The following LIMK2 variants were observed in gnomAD, a reference collection of about 807,000 sequenced individuals.
The protein encoded by LIMK2 is LIM domain kinase 2.
In LIMK2, 35 loss-of-function variants were observed where a neutral mutation model predicts 75.7. That is an observed-to-expected ratio of 0.46 (90% CI 0.35 to 0.61). LIMK2 has a LOEUF of 0.61. LIMK2 is among the 20% of genes least tolerant of loss of function. The pLI, the probability that LIMK2 is intolerant of heterozygous loss-of-function variation, is 0.00. For synonymous variants in LIMK2, 301 were observed against 319.2 expected (o/e 0.94, Z 0.61); for missense variants, 623 against 831.0 (o/e 0.75, Z 3.08).
chr22:31,216,016 T>C (rs2048386541), intron 1 of LIMK2, among the ~76,000 whole-genome samples: 1 of 152,142 alleles, frequency 6.6e-6, no homozygotes. Context: ...TAGTGTATGT[T>C]CTGGTGGGGA....
chr22:31,270,198 A>T (rs992974378), intron 11 of LIMK2, among the ~76,000 whole-genome samples: 1 of 152,090 alleles, frequency 6.6e-6, no homozygotes, highest in Non-Finnish European at 1.5e-5. Flanking sequence ...GGGCAGCTGG[A>T]GCTGTGGGAC....
At chr22:31,222,243 TATTTTTGGTAGA>T (rs1304592054) in intron 1 of LIMK2, among the ~76,000 whole-genome samples, 6 of 149,596 alleles carry the variant, frequency 4.0e-5, no homozygotes, top group Non-Finnish European at 7.4e-5. Flanking sequence ...GCTAATTTTG[TATTTTTGGTAGA>T]GATGTGGTTT....
chr22:31,274,203 T>C (rs1051559802), intron 14 of LIMK2, among the ~76,000 whole-genome samples: 1 of 151,946 alleles, frequency 6.6e-6, no homozygotes, highest in African/African-American at 2.4e-5. Flanking sequence ...CTAGGAAGTG[T>C]CAGCCCTGTG....
chr22:31,246,215 A>ACACACACACACACACACACG (rs1491353906), intron 2 of LIMK2, among the ~76,000 whole-genome samples: 1 of 143,652 alleles, frequency 7.0e-6, no homozygotes, highest in Admixed American at 6.9e-5. Flanking sequence ...ACACACACAC[A>ACACACACACACACACACACG]CGCTGGGTAT....
At chr22:31,228,793 A>G (rs1269024669) in intron 2 of LIMK2, among the ~76,000 whole-genome samples, 1 of 151,860 alleles carries the variant, frequency 6.6e-6, no homozygotes, top group African/African-American at 2.4e-5. Context: ...ATACAAAAAT[A>G]TTAGCCAGGC....
intron 2 of LIMK2, among the ~76,000 whole-genome samples, chr22:31,257,830 G>A (rs2048799863): frequency 6.6e-6 from 1 of 152,094 alleles, no homozygotes; most frequent in Non-Finnish European, 1.5e-5. Context: ...GTTGGTGATG[G>A]GTCAGTTTTG....
intron 15 of LIMK2, chr22:31,277,145 C>G: frequency 6.2e-7 from 1 of 1,613,588 alleles, no homozygotes; most frequent in Non-Finnish European, 8.5e-7. Flanking sequence ...AAGTGAGGGT[C>G]CCCGACCCAG....
chr22:31,214,060 G>A lies in LIMK2; in HGVS notation c.16+1636G>A, dbSNP rs185548443. 5.2e-3 allele frequency among the ~76,000 whole-genome samples: 786 copies of A among 152,070 alleles called. 5 individuals carry two copies. The highest frequency in any genetic ancestry group is 0.018 in the African/African-American group (743 of 41,480). The stretch of plus-strand genomic sequence containing the variant: ...TCTTGAACTCCTGACCTTGTGATCC[G>A]CCCGCTTCGGCCTCCCAAAGTGCTG... On this transcript the variant is annotated intron_variant, in intron 1 of 15. Transcript: ENST00000331728.
chr22:31,262,484 A>G lies in LIMK2; in HGVS notation c.658-111A>G. The stretch of plus-strand genomic sequence containing the variant: ...GTGAGGCCACTGGCAGCTAAAGGCC[A>G]CCATTAGACAAGTTGAGCACTGGCC... On this transcript the variant is annotated intron_variant, in intron 6 of 15. Coordinates refer to ENST00000331728, the MANE Select transcript of LIMK2 (RefSeq NM_005569.4). This position sits in a 1 kb window ranked among gnomAD's most constrained non-coding sequence, Gnocchi z 5.0. 1 of 1,092,950 alleles carries G rather than the reference A, an allele frequency of 9.1e-7. No individual in the cohort carries two copies. The highest frequency in any genetic ancestry group is 1.3e-6 in the Non-Finnish European group (1 of 744,054). The allele number at this position is 1,092,950 out of a possible 1,614,324, so 67.7% of individuals were successfully genotyped here.
chr22:31,271,027 A>C, intron 11 of LIMK2, 109 bp from the exon 12 acceptor site: 1 of 966,190 alleles, frequency 1.0e-6, no homozygotes, highest in Non-Finnish European at 1.7e-6. Context: ...TTGGGTTCTG[A>C]AGCTGGGTGG....
At chr22:31,234,671 A>G (rs2048556890) in intron 2 of LIMK2, among the ~76,000 whole-genome samples, 2 of 149,156 alleles carry the variant, frequency 1.3e-5, no homozygotes, top group African/African-American at 2.5e-5. Context: ...CAGTGAGCCC[A>G]GATCACGCCA....
intron 2 of LIMK2, chr22:31,229,928 C>G (rs192970951): frequency 1.3e-5 from 2 of 152,282 alleles, no homozygotes; most frequent in Admixed American, 1.3e-4. Flanking sequence ...TGTGCTGGTG[C>G]GATTAGGCAG....
At position 31,260,867 on chromosome 22, in the gene LIMK2, C is replaced by T. The variant is rs761779142; in HGVS notation, c.551+790C>T. The stretch of plus-strand genomic sequence containing the variant: ...AGGTTGAGTGTGGCCAGAAAAGGGG[C>T]TGTTAAGTATAGAGGGCCTGGATTA... On this transcript the variant is annotated intron_variant, in intron 5 of 15. Transcript: ENST00000331728. Among the ~76,000 whole-genome samples the T allele has an allele frequency of 7.0e-4, 106 of 152,106 alleles. 1 individual carries two copies. Among genetic ancestry groups the T allele is most frequent in the Non-Finnish European group, 2.8e-4 (19 of 68,024 alleles).
intron 2 of LIMK2, among the ~76,000 whole-genome samples, chr22:31,245,510 C>T (rs1417314615): frequency 6.6e-6 from 1 of 152,142 alleles, no homozygotes; most frequent in Non-Finnish European, 1.5e-5. Context: ...CCATGTTGGT[C>T]AGGCTAGTCT....
At chr22:31,238,766 T>C (rs1373465268) in intron 2 of LIMK2, among the ~76,000 whole-genome samples, 1 of 152,202 alleles carries the variant, frequency 6.6e-6, no homozygotes, top group Non-Finnish European at 1.5e-5. Context: ...CAGAGAGATT[T>C]AATGGCTTGC....
In LIMK2 at chr22:31,249,223, T is replaced by C. The variant is rs1468951899; in HGVS notation, c.117-9068T>C. Among the ~76,000 whole-genome samples the C allele has an allele frequency of 2.6e-5, 4 of 152,308 alleles. No individual in the cohort carries two copies. The East Asian group carries it at 5.8e-4, about 22-fold the overall frequency. On this transcript the variant is annotated intron_variant, in intron 2 of 15. Coordinates refer to ENST00000331728, the MANE Select transcript of LIMK2 (RefSeq NM_005569.4). ...GAAACTGGCAAGTCCTGGGTGTGGG[T>C]AGCCTGGTACACAGTAGGCACCTTA...
intron 15 of LIMK2, chr22:31,277,189 C>G (rs766886298): frequency 3.1e-6 from 5 of 1,610,582 alleles, no homozygotes; most frequent in African/African-American, 1.3e-5. Context: ...AATCGCTACC[C>G]CCCGACCTCG....
chr22:31,245,873 TA>T (rs970667247), intron 2 of LIMK2, among the ~76,000 whole-genome samples: 7 of 148,856 alleles, frequency 4.7e-5, no homozygotes, highest in Admixed American at 1.3e-4. Context: ...CTACAAAAAA[TA>T]AAAAAAAATA....
Position 31,272,676 on chromosome 22 carries a change from C to T in LIMK2, c.1530C>T (p.Pro510=), listed in dbSNP as rs1340743045. 2 of 1,611,610 alleles carry T rather than the reference C, an allele frequency of 1.2e-6. No homozygotes were observed. The highest frequency in any genetic ancestry group is 2.7e-5 in the African/African-American group (2 of 74,702). Residue 510 remains proline, a synonymous_variant, in exon 13 of 16, where the codon CCC becomes CCT. Coordinates refer to ENST00000331728, the MANE Select transcript of LIMK2 (RefSeq NM_005569.4). ...RKKRYTVVGN[P]YWMAPEMLNG... ...AGCGCTACACGGTGGTGGGAAACCC[C>T]TACTGGATGGCCCCTGAGATGCTGA...
Sources: gnomAD v4.1 joint callset for allele counts (sites outside exome capture counted in the v4.1 genomes callset) on GRCh38, gnomAD v4.1.1 for gene constraint, Gnocchi (gnomAD v3.1) non-coding constraint, MANE v1.5 for transcripts, NCBI Gene and HGNC (gene_info 2026-07-23, HGNC 2026-07-21) for gene names.